WWOX: variants seen among roughly 807,000 people sequenced by gnomAD.
The protein encoded by WWOX is WW domain-containing oxidoreductase.
A neutral mutation model predicts 46.2 loss-of-function variants in WWOX; 69 were observed. The ratio of observed to expected loss-of-function variants is 1.49; its 90% CI spans 1.23 to 1.82. WWOX has a LOEUF of 1.82. Ranked by LOEUF, WWOX falls within the 40% of genes most tolerant of loss-of-function variation. WWOX has a pLI of 0.00. For synonymous variants in WWOX, 359 were observed against 202.6 expected (o/e 1.77, Z -6.56); for missense variants, 919 against 542.6 (o/e 1.69, Z -6.89).
At chr16:78,463,601 A>G (rs373208279) in intron 8 of WWOX, among the ~76,000 whole-genome samples, 10 of 152,238 alleles carry the variant, frequency 6.6e-5, no homozygotes, top group African/African-American at 2.4e-4. Flanking sequence ...ATGAGATCAC[A>G]TACACTGAAG....
At chr16:79,043,143 T>C (rs2150515309) in intron 8 of WWOX, among the ~76,000 whole-genome samples, 1 of 152,230 alleles carries the variant, frequency 6.6e-6, no homozygotes, top group South Asian at 2.1e-4. Flanking sequence ...CTTTGCCTAC[T>C]TGCAGCTGAA....
chr16:79,008,970 C>G (rs763059828), intron 8 of WWOX, among the ~76,000 whole-genome samples: 1 of 152,248 alleles, frequency 6.6e-6, no homozygotes, highest in African/African-American at 2.4e-5. Context: ...TGAGTCAGCT[C>G]TGTGACGCCA....
chr16:78,795,240 T>C (rs771930846), intron 8 of WWOX, among the ~76,000 whole-genome samples: 2 of 152,216 alleles, frequency 1.3e-5, no homozygotes, highest in Non-Finnish European at 2.9e-5. Context: ...AGATATTCTC[T>C]TTCTACATGT....
intron 8 of WWOX, among the ~76,000 whole-genome samples, chr16:79,184,863 A>G (rs2050982318): frequency 6.6e-6 from 1 of 152,238 alleles, no homozygotes; most frequent in Non-Finnish European, 1.5e-5. Flanking sequence ...GGAAGGTGAT[A>G]AAAAGGAATC....
chr16:79,177,654 G>A (rs1416221241), intron 8 of WWOX, among the ~76,000 whole-genome samples: 1 of 152,164 alleles, frequency 6.6e-6, no homozygotes, highest in Non-Finnish European at 1.5e-5. Context: ...GTTTCTCAAT[G>A]TGTGTTCAGT....
intron 8 of WWOX, among the ~76,000 whole-genome samples, chr16:79,150,182 C>G (rs756382427): frequency 1.6e-4 from 25 of 152,144 alleles, no homozygotes; most frequent in Non-Finnish European, 3.4e-4. Context: ...GAAAACTCTT[C>G]TTGTTAGAGG....
chr16:79,211,569 T>C (rs1393724724), intron 8 of WWOX, 39 bp from the exon 9 acceptor site: 1 of 1,613,734 alleles, frequency 6.2e-7, no homozygotes. Context: ...TCACTCCTTT[T>C]CTTAAAATTT....
At chr16:78,885,594 T>C (rs1218430840) in intron 8 of WWOX, among the ~76,000 whole-genome samples, 2 of 152,212 alleles carry the variant, frequency 1.3e-5, no homozygotes, top group African/African-American at 4.8e-5. Context: ...TAACCAAAAT[T>C]CAGAGAAACT....
intron 8 of WWOX, among the ~76,000 whole-genome samples, chr16:78,607,861 C>T (rs1290048189): frequency 1.3e-5 from 2 of 152,036 alleles, no homozygotes; most frequent in African/African-American, 2.4e-5. Flanking sequence ...TAGGTACCTG[C>T]AGGGCTTAGG....
intron 8 of WWOX, among the ~76,000 whole-genome samples, chr16:79,070,268 ATGTGTGTGTGTGTGTGTGTGTGTG>A (rs4035490): frequency 6.9e-6 from 1 of 145,096 alleles, no homozygotes; most frequent in Non-Finnish European, 1.5e-5. Context: ...TGTGTTTCTG[ATGTGTGTGTGTGTGTGTGTGTGTG>A]TGTGTGTGTG....
chr16:78,999,344 C>G (rs1455149659), intron 8 of WWOX, among the ~76,000 whole-genome samples: 1 of 152,216 alleles, frequency 6.6e-6, no homozygotes, highest in Non-Finnish European at 1.5e-5. Context: ...GTGGCACATG[C>G]CTGTAATCCC....
chr16:78,993,795 T>C (rs2046935497), intron 8 of WWOX, among the ~76,000 whole-genome samples: 1 of 152,246 alleles, frequency 6.6e-6, no homozygotes, highest in Admixed American at 6.5e-5. Flanking sequence ...CTTTTCGTGG[T>C]GCAGCTTGGA....
At chr16:78,380,800 C>T (rs1025769734) in intron 5 of WWOX, among the ~76,000 whole-genome samples, 2 of 152,034 alleles carry the variant, frequency 1.3e-5, no homozygotes, top group African/African-American at 2.4e-5. Context: ...CAGCCCCAAA[C>T]CACCCCCTGA....
In WWOX at chr16:78,427,940, C is replaced by G. The variant is rs144939674; in HGVS notation, c.791+2885C>G. Among the ~76,000 whole-genome samples the G allele has an allele frequency of 1.7e-3, 258 of 152,004 alleles. 5 individuals are homozygous for G. The East Asian group carries it at 0.036, about 21-fold the overall frequency. ...AAAATTAGCCAGGTGTGGTGGTGCACGCCTGTAATCCCAGCTATTTGGGAG... is the reference window on the plus strand; with the variant it reads ...AAAATTAGCCAGGTGTGGTGGTGCAGGCCTGTAATCCCAGCTATTTGGGAG... On this transcript the variant is annotated intron_variant, in intron 7 of 8. Transcript: ENST00000566780.
chr16:78,293,050 C>T (rs1352914851), intron 5 of WWOX, among the ~76,000 whole-genome samples: 1 of 152,186 alleles, frequency 6.6e-6, no homozygotes, highest in Non-Finnish European at 1.5e-5. Context: ...CTGTCAACCA[C>T]TTTAGCCTCC....
At position 78,543,514 on chromosome 16, in the gene WWOX, C is replaced by A. The variant is rs1032703110; in HGVS notation, c.1056+110762C>A. ...TTGCAGCTTCCACCCATGCACCTTA[C>A]ACAGAAGTTTGGGCCCTAACATGGA... is the stretch of plus-strand genomic sequence containing the variant. On this transcript the variant is annotated intron_variant, in intron 8 of 8. Transcript: ENST00000566780. Among the ~76,000 whole-genome samples the A allele has an allele frequency of 4.2e-4, 64 of 152,188 alleles. 1 individual carries two copies. Among genetic ancestry groups the A allele is most frequent in the African/African-American group, 1.4e-3 (59 of 41,450 alleles).
intron 6 of WWOX, among the ~76,000 whole-genome samples, chr16:78,404,333 C>T (rs775282529): frequency 6.6e-6 from 1 of 152,038 alleles, no homozygotes; most frequent in Non-Finnish European, 1.5e-5. Context: ...CCAAGCATAA[C>T]CCTAGGTGTG....
chr16:78,180,071 T>C (rs1006000321), intron 5 of WWOX, among the ~76,000 whole-genome samples: 11 of 152,238 alleles, frequency 7.2e-5, no homozygotes, highest in Non-Finnish European at 1.2e-4. Context: ...TGGTTTCATG[T>C]TGATGTTACT....
chr16:78,834,065 C>G (rs893628699), intron 8 of WWOX, among the ~76,000 whole-genome samples: 3 of 152,218 alleles, frequency 2.0e-5, no homozygotes, highest in African/African-American at 7.2e-5. Context: ...GAACACTGCT[C>G]ACACATGCAT....
Sources: allele counts gnomAD v4.1 joint callset (sites outside exome capture counted in the v4.1 genomes callset), GRCh38; gene constraint gnomAD v4.1.1; transcripts MANE v1.5; gene names NCBI Gene and HGNC (gene_info 2026-07-23, HGNC 2026-07-21).